Variants in TRPM6 observed in about 807,000 individuals in gnomAD.
TRPM6 encodes the protein transient receptor potential cation channel subfamily M member 6.
A neutral mutation model predicts 247.6 loss-of-function variants in TRPM6; 111 were observed. The observed-to-expected ratio is 0.45, with a 90% CI of 0.38 to 0.52. The LOEUF is 0.52. TRPM6 is among the 20% of genes least tolerant of loss of function. The pLI, the probability that TRPM6 is intolerant of heterozygous loss-of-function variation, is 0.00. For synonymous variants in TRPM6, 892 were observed against 853.8 expected (o/e 1.04, Z -0.78); for missense variants, 2,126 against 2,421.5 (o/e 0.88, Z 2.56).
At chr9:74,846,294 C>CT (rs930840285) in intron 3 of TRPM6, among the ~76,000 whole-genome samples, 1 of 152,038 alleles carries the variant, frequency 6.6e-6, no homozygotes, top group Non-Finnish European at 1.5e-5. Context: ...TTGTTTGCTT[C>CT]TTTTTTTTCC....
At chr9:74,742,113 A>T (rs1426526160) in intron 33 of TRPM6, among the ~76,000 whole-genome samples, 1 of 152,100 alleles carries the variant, frequency 6.6e-6, no homozygotes, top group Non-Finnish European at 1.5e-5. Flanking sequence ...TTAAAATGAC[A>T]TTTGCAGTCT....
At chr9:74,842,136 C>T in intron 4 of TRPM6, 30 bp downstream of exon 4, 1 of 1,601,286 alleles carries the variant, frequency 6.2e-7, no homozygotes, top group Non-Finnish European at 8.5e-7. Context: ...AAGAAAGAAA[C>T]CAGCAAAACA....
intron 1 of TRPM6, among the ~76,000 whole-genome samples, chr9:74,862,096 GAAAAAAA>G (rs577562437): frequency 1.4e-3 from 139 of 100,536 alleles, no homozygotes; most frequent in Middle Eastern, 5.3e-3. Flanking sequence ...AAAACTACCA[GAAAAAAA>G]AAAAAAAAAA....
intron 11 of TRPM6, 46 bp from the exon 12 acceptor site, chr9:74,812,479 G>C: frequency 6.7e-7 from 1 of 1,499,116 alleles, no homozygotes; most frequent in Non-Finnish European, 9.1e-7. Context: ...TAAGAAAGTA[G>C]AAATAACTAA....
intron 11 of TRPM6, among the ~76,000 whole-genome samples, chr9:74,815,040 G>A (rs1421875956): frequency 6.6e-6 from 1 of 152,098 alleles, no homozygotes; most frequent in Non-Finnish European, 1.5e-5. Flanking sequence ...GAACATGGGA[G>A]GAAAGAGATA....
intron 25 of TRPM6, among the ~76,000 whole-genome samples, chr9:74,769,018 G>T (rs952035828): frequency 2.6e-5 from 4 of 152,118 alleles, no homozygotes; most frequent in Non-Finnish European, 4.4e-5. Flanking sequence ...ATTTTGAGGG[G>T]CCCATTTTTA....
chr9:74,742,219 C>T (rs1002860334), intron 33 of TRPM6, among the ~76,000 whole-genome samples: 4 of 152,210 alleles, frequency 2.6e-5, no homozygotes, highest in African/African-American at 9.6e-5. Context: ...ACCATATTGA[C>T]ATTTATCGCT....
At chr9:74,761,858 C>T (rs925816817) in intron 26 of TRPM6, 50 bp from the exon 27 acceptor site, 1 of 1,519,418 alleles carries the variant, frequency 6.6e-7, no homozygotes, top group Non-Finnish European at 9.1e-7. Context: ...AAGTGGGGAA[C>T]ATTTTGTTTT....
chr9:74,758,138 T>C (rs1587475003), intron 27 of TRPM6, among the ~76,000 whole-genome samples: 1 of 152,148 alleles, frequency 6.6e-6, no homozygotes, highest in South Asian at 2.1e-4. Context: ...ATTACAGAAA[T>C]TGAATTTGTA....
At chr9:74,856,826 G>A (rs980236420) in intron 2 of TRPM6, among the ~76,000 whole-genome samples, 4 of 152,000 alleles carry the variant, frequency 2.6e-5, no homozygotes, top group African/African-American at 4.8e-5. Context: ...TCAATTCTGA[G>A]AATTTTACTA....
chr9:74,780,526 C>T (rs1827401552), intron 23 of TRPM6, among the ~76,000 whole-genome samples: 1 of 151,410 alleles, frequency 6.6e-6, no homozygotes, highest in African/African-American at 2.4e-5. Flanking sequence ...GTGACTTAAA[C>T]TTTTACCCAG....
chr9:74,787,400 C>G (rs17060477), intron 20 of TRPM6, among the ~76,000 whole-genome samples: 34,156 of 151,622 alleles, frequency 0.23, 3,971 homozygotes, highest in South Asian at 0.3. Flanking sequence ...GAAAATACCC[C>G]TGAAACACCG....
At chr9:74,734,975 G>A (rs1421793252) in intron 36 of TRPM6, among the ~76,000 whole-genome samples, 1 of 152,198 alleles carries the variant, frequency 6.6e-6, no homozygotes, top group Non-Finnish European at 1.5e-5. Context: ...CACTTTGGGA[G>A]GCCGAGGTAG....
chr9:74,738,314 G>C (rs1452986479), intron 36 of TRPM6, 93 bp downstream of exon 36: 4 of 1,321,876 alleles, frequency 3.0e-6, no homozygotes, highest in African/African-American at 2.9e-5. Flanking sequence ...AAGCTAAATA[G>C]AGCAACTCCA....
chr9:74,868,906 A>G (rs911428914), intron 1 of TRPM6, among the ~76,000 whole-genome samples: 3 of 152,182 alleles, frequency 2.0e-5, no homozygotes, highest in Non-Finnish European at 4.4e-5. Flanking sequence ...CAGAAGAAAG[A>G]GTTTGGGGGA....
At chr9:74,744,968 T>G (rs1825985890) in intron 31 of TRPM6, among the ~76,000 whole-genome samples, 1 of 152,214 alleles carries the variant, frequency 6.6e-6, no homozygotes, top group African/African-American at 2.4e-5. Flanking sequence ...AAAGACTGTT[T>G]CTTTCTGAAG....
In TRPM6 at chr9:74,775,974, A is replaced by G. The variant is rs756023357; in HGVS notation, c.3312T>C (p.Pro1104=). 36 of 1,613,972 alleles carry G rather than the reference A, an allele frequency of 2.2e-5. No homozygotes were observed. In the South Asian group the frequency reaches 3.8e-4, roughly 17 times the overall value. ...GGCCCACGTGGCTCAGCAGGATGAG[A>G]GGTGGGGGCAGCCAGGGCTTCTCGT... The part of the protein sequence containing the change: ...TYHEKPWLPP[P]LILLSHVGLL... The change falls in exon 24 of 39, where the codon CCT becomes CCC. Residue 1104 remains proline (P), a synonymous_variant. Coordinates refer to ENST00000360774, the MANE Select transcript of TRPM6 (RefSeq NM_017662.5).
At chr9:74,837,013 A>G (rs1329328846) in intron 5 of TRPM6, among the ~76,000 whole-genome samples, 1 of 152,128 alleles carries the variant, frequency 6.6e-6, no homozygotes, top group Non-Finnish European at 1.5e-5. Flanking sequence ...GTCAGCATCA[A>G]TTTCTCACTA....
chr9:74,849,088 G>A (rs762976571), intron 3 of TRPM6, among the ~76,000 whole-genome samples: 1 of 152,162 alleles, frequency 6.6e-6, no homozygotes, highest in Non-Finnish European at 1.5e-5. Context: ...GGTGTCTCAC[G>A]CCTTTCATCC....
Sources: gnomAD v4.1 joint callset for allele counts (sites outside exome capture counted in the v4.1 genomes callset) on GRCh38, gnomAD v4.1.1 for gene constraint, MANE v1.5 for transcripts, NCBI Gene and HGNC (gene_info 2026-07-23, HGNC 2026-07-21) for gene names.